Variants in CCDC170 observed in about 807,000 individuals in gnomAD.
CCDC170 encodes coiled-coil domain-containing protein 170.
A neutral mutation model predicts 72.6 loss-of-function variants in CCDC170; 69 were observed. The ratio of observed to expected loss-of-function variants is 0.95; its 90% CI spans 0.78 to 1.16. CCDC170 has a LOEUF of 1.16. Among genes scored for constraint, CCDC170 ranks in the 50% most tolerant of loss-of-function variants. The pLI is 0.00. For synonymous variants in CCDC170, 300 were observed against 303.9 expected, an observed-to-expected ratio of 0.99 and a Z score of 0.13; for missense variants, 852 against 832.5, an observed-to-expected ratio of 1.02 and a Z score of -0.29.
At chr6:151,525,390 C>T (rs1179754789) in intron 1 of CCDC170, among the ~76,000 whole-genome samples, 1 of 152,168 alleles carries the variant, frequency 6.6e-6, no homozygotes, top group African/African-American at 2.4e-5. Context: ...GTGAAAATAG[C>T]CAGGTCCTGC....
chr6:151,588,333 A>G (rs1466432326), intron 7 of CCDC170, among the ~76,000 whole-genome samples: 1 of 152,210 alleles, frequency 6.6e-6, no homozygotes, highest in Non-Finnish European at 1.5e-5. Context: ...AAAAACACAC[A>G]CACACACAAA....
intron 10 of CCDC170, among the ~76,000 whole-genome samples, chr6:151,617,233 G>T (rs1776982669): frequency 6.6e-6 from 1 of 152,090 alleles, no homozygotes; most frequent in African/African-American, 2.4e-5. Context: ...AGGGATATGA[G>T]GCATATTTCA....
chr6:151,589,700 G>A (rs1202573478), intron 7 of CCDC170, among the ~76,000 whole-genome samples: 2 of 152,084 alleles, frequency 1.3e-5, no homozygotes, highest in African/African-American at 4.8e-5. Context: ...TTGCTGCCAG[G>A]GAGGTCTTAA....
At chr6:151,597,247 T>A (rs1776640574) in intron 9 of CCDC170, among the ~76,000 whole-genome samples, 1 of 152,218 alleles carries the variant, frequency 6.6e-6, no homozygotes, top group African/African-American at 2.4e-5. Flanking sequence ...TGCTTCAGCC[T>A]CCCAAGTAGT....
At chr6:151,560,735 G>A (rs1198853951) in intron 5 of CCDC170, among the ~76,000 whole-genome samples, 3 of 152,032 alleles carry the variant, frequency 2.0e-5, no homozygotes, top group Non-Finnish European at 4.4e-5. Flanking sequence ...TCTTCTTACT[G>A]TTGTAGGTTT....
intron 6 of CCDC170, 99 bp from the exon 7 acceptor site, chr6:151,585,790 G>A: frequency 3.1e-6 from 3 of 974,318 alleles, no homozygotes; most frequent in Admixed American, 3.1e-5. Context: ...CTGGAAGTTG[G>A]TATCATAAAC....
intron 5 of CCDC170, among the ~76,000 whole-genome samples, chr6:151,571,979 C>G (rs1185809582): frequency 2.0e-5 from 3 of 152,130 alleles, no homozygotes; most frequent in Non-Finnish European, 4.4e-5. Context: ...TCTCAGCCTC[C>G]CAAGTAGCTG....
At chr6:151,509,230 C>CTATG (rs1388794593) in intron 1 of CCDC170, among the ~76,000 whole-genome samples, 25 of 150,972 alleles carry the variant, frequency 1.7e-4, no homozygotes, top group Middle Eastern at 3.4e-3. Context: ...ATGTATCTAT[C>CTATG]TATCTATCTA....
In CCDC170 at chr6:151,618,395, G is replaced by C. The variant is rs764105036; in HGVS notation, c.*248G>C. 3 of 483,878 alleles carry C rather than the reference G, an allele frequency of 6.2e-6. No individual in the cohort carries two copies. The highest frequency in any genetic ancestry group is 1.1e-5 in the Non-Finnish European group (3 of 272,064). The allele number at this position is 483,878 out of a possible 1,614,324, so 30.0% of individuals were successfully genotyped here. On this transcript the variant is annotated 3_prime_UTR_variant, in exon 11 of 11. Transcript: ENST00000239374. ...AGAAGAATTCCACCAGATTGCATGA[G>C]TTAGATTGGGAAATGGGAGTGGGAG...
At chr6:151,527,050 ATT>A (rs56941290) in intron 1 of CCDC170, among the ~76,000 whole-genome samples, 2,210 of 69,640 alleles carry the variant, frequency 0.032, 22 homozygotes, top group African/African-American at 0.09. Flanking sequence ...ATGCTTAGCT[ATT>A]TTTTTTTTTT....
intron 7 of CCDC170, among the ~76,000 whole-genome samples, chr6:151,588,917 C>G (rs1776493002): frequency 6.6e-6 from 1 of 151,952 alleles, no homozygotes; most frequent in Admixed American, 6.5e-5. Context: ...GCCTAGGTGA[C>G]AGAGTGAGAC....
At chr6:151,556,657 G>T (rs1458445456) in intron 5 of CCDC170, among the ~76,000 whole-genome samples, 2 of 151,996 alleles carry the variant, frequency 1.3e-5, no homozygotes, top group Admixed American at 1.3e-4. Flanking sequence ...TTTATTACAC[G>T]CATAGAATGT....
At chr6:151,529,625 C>T (rs889422722) in intron 1 of CCDC170, among the ~76,000 whole-genome samples, 20 of 152,144 alleles carry the variant, frequency 1.3e-4, no homozygotes, top group Admixed American at 1.2e-3. Context: ...CCACTGCACT[C>T]CACCCTGCTG....
chr6:151,615,770 T>TA, intron 10 of CCDC170, 91 bp downstream of exon 10: 2 of 984,722 alleles, frequency 2.0e-6, no homozygotes, highest in South Asian at 3.0e-5. Context: ...CATTTCTTTT[T>TA]AAAAAAGTTT....
intron 5 of CCDC170, among the ~76,000 whole-genome samples, chr6:151,565,565 T>C (rs1202981591): frequency 1.3e-5 from 2 of 152,216 alleles, no homozygotes; most frequent in African/African-American, 4.8e-5. Flanking sequence ...TGAATTCCAA[T>C]GTTCTGTCTT....
chr6:151,583,740 G>A (rs1776411843), intron 6 of CCDC170, among the ~76,000 whole-genome samples: 2 of 152,236 alleles, frequency 1.3e-5, no homozygotes. Context: ...TTACAGGCGT[G>A]AGCCACTATG....
chr6:151,544,967 A>G (rs1252228995), intron 4 of CCDC170, among the ~76,000 whole-genome samples: 1 of 152,228 alleles, frequency 6.6e-6, no homozygotes, highest in African/African-American at 2.4e-5. Flanking sequence ...AAATATATTT[A>G]GGTTGTCATA....
At chr6:151,501,664 T>C (rs546033555) in intron 1 of CCDC170, among the ~76,000 whole-genome samples, 1 of 152,304 alleles carries the variant, frequency 6.6e-6, no homozygotes, top group East Asian at 1.9e-4. Flanking sequence ...AGGGGAGAGC[T>C]TTTTGAATGC....
intron 9 of CCDC170, among the ~76,000 whole-genome samples, chr6:151,614,303 C>G (rs1776922140): frequency 6.6e-6 from 1 of 152,166 alleles, no homozygotes; most frequent in South Asian, 2.1e-4. Flanking sequence ...CTGGTGACTT[C>G]TATCTTACAT....
Sources: gnomAD v4.1 joint callset for allele counts (sites outside exome capture counted in the v4.1 genomes callset) on GRCh38, gnomAD v4.1.1 for gene constraint, MANE v1.5 for transcripts, NCBI Gene and HGNC (gene_info 2026-07-23, HGNC 2026-07-21) for gene names.